PTPRG: variants seen among roughly 807,000 people sequenced by gnomAD.
PTPRG encodes protein tyrosine phosphatase receptor type G.
A neutral mutation model predicts 165.3 loss-of-function variants in PTPRG; 102 were observed. That is an observed-to-expected ratio of 0.62 (90% CI 0.53 to 0.73). PTPRG has a LOEUF of 0.73. PTPRG is among the 30% of genes least tolerant of loss of function. PTPRG has a pLI of 0.00. For missense variants in PTPRG, 1,866 were observed against 1,861.4 expected (o/e 1.00, Z -0.05); for synonymous variants, 675 against 669.5 (o/e 1.01, Z -0.13).
At chr3:61,815,939 C>G (rs1029643680) in intron 2 of PTPRG, among the ~76,000 whole-genome samples, 2 of 152,146 alleles carry the variant, frequency 1.3e-5, no homozygotes, top group Non-Finnish European at 2.9e-5. Flanking sequence ...ATTTTATTTC[C>G]TAAAGTCACT....
In PTPRG at chr3:61,671,142, T is replaced by C. The variant is rs59508084; in HGVS notation, c.86-77736T>C. On this transcript the variant is annotated intron_variant, in intron 1 of 29. Coordinates refer to ENST00000474889, the MANE Select transcript of PTPRG (RefSeq NM_002841.4). ...TCCTGATACTGTATGAACTTTCTTT[T>C]TTTTTTTTTTTTTTTAATTGATCAT... Among the ~76,000 whole-genome samples, 520 of 139,478 alleles carry C rather than the reference T, an allele frequency of 3.7e-3. 18 individuals are homozygous for C. The East Asian group carries it at 0.077, about 21-fold the overall frequency. 91.5% of individuals were successfully genotyped at this position (139,478 alleles called of 152,430 possible).
At chr3:61,836,665 C>G (rs1268175576) in intron 2 of PTPRG, among the ~76,000 whole-genome samples, 3 of 152,204 alleles carry the variant, frequency 2.0e-5, no homozygotes, top group Non-Finnish European at 4.4e-5. Context: ...GTTTTAATAA[C>G]TTGCTGAAGA....
At chr3:62,241,433 G>A (rs1576170582) in intron 14 of PTPRG, among the ~76,000 whole-genome samples, 1 of 152,146 alleles carries the variant, frequency 6.6e-6, no homozygotes, top group South Asian at 2.1e-4. Context: ...TGTCCCCCAG[G>A]TTTCTGATCC....
At chr3:61,933,486 C>G (rs921154291) in intron 2 of PTPRG, among the ~76,000 whole-genome samples, 2 of 152,138 alleles carry the variant, frequency 1.3e-5, no homozygotes, top group African/African-American at 4.8e-5. Flanking sequence ...AGATTCCCCA[C>G]CAAGCATACG....
intron 2 of PTPRG, among the ~76,000 whole-genome samples, chr3:61,751,534 G>T (rs886966846): frequency 6.6e-6 from 1 of 152,166 alleles, no homozygotes; most frequent in African/African-American, 2.4e-5. Flanking sequence ...GGTGCAGTGT[G>T]TGAGAGTATG....
chr3:61,681,941 A>G (rs999531972), intron 1 of PTPRG, among the ~76,000 whole-genome samples: 1 of 152,094 alleles, frequency 6.6e-6, no homozygotes, highest in East Asian at 1.9e-4. Flanking sequence ...CTTAAGGTCA[A>G]GAGATCGAGA....
intron 2 of PTPRG, among the ~76,000 whole-genome samples, chr3:61,921,493 A>G (rs2039077423): frequency 6.6e-6 from 1 of 152,206 alleles, no homozygotes; most frequent in Admixed American, 6.5e-5. Flanking sequence ...TTTGGCTGCC[A>G]GCATGGTATC....
chr3:62,016,357 G>T (rs1024756666), intron 4 of PTPRG, among the ~76,000 whole-genome samples: 3 of 152,076 alleles, frequency 2.0e-5, no homozygotes, highest in East Asian at 3.9e-4. Context: ...TAGTAGAGAC[G>T]GAGTTTCACT....
intron 1 of PTPRG, among the ~76,000 whole-genome samples, chr3:61,741,663 T>C (rs1428074553): frequency 1.3e-5 from 2 of 152,236 alleles, no homozygotes; most frequent in Non-Finnish European, 2.9e-5. Flanking sequence ...CTTTGTCATA[T>C]AATCACTTTT....
intron 1 of PTPRG, among the ~76,000 whole-genome samples, chr3:61,717,366 CA>C (rs961746271): frequency 5.4e-4 from 82 of 152,160 alleles, no homozygotes; most frequent in African/African-American, 1.9e-3. Flanking sequence ...TTTTTATAGC[CA>C]AAGGCAATAG....
At chr3:62,023,002 T>G (rs887083512) in intron 4 of PTPRG, among the ~76,000 whole-genome samples, 3 of 152,084 alleles carry the variant, frequency 2.0e-5, no homozygotes, top group African/African-American at 7.2e-5. Context: ...ATTAATACAT[T>G]CAAAACAAAA....
At chr3:62,028,683 G>A (rs1330369979) in intron 4 of PTPRG, among the ~76,000 whole-genome samples, 2 of 152,180 alleles carry the variant, frequency 1.3e-5, no homozygotes, top group Admixed American at 1.3e-4. Context: ...ACTCAAGTCA[G>A]CCTAAACATA....
At chr3:61,699,044 T>C (rs1032070257) in intron 1 of PTPRG, among the ~76,000 whole-genome samples, 1 of 151,850 alleles carries the variant, frequency 6.6e-6, no homozygotes, top group Non-Finnish European at 1.5e-5. Context: ...CGGGGAGGGA[T>C]AGCATTAGGA....
intron 5 of PTPRG, among the ~76,000 whole-genome samples, chr3:62,124,952 G>A (rs4274735): frequency 0.11 from 17,116 of 152,086 alleles, 1,016 homozygotes; most frequent in South Asian, 0.14. Flanking sequence ...TTACATAAGG[G>A]TCTGAATACC....
rs1454140021 is a variant in PTPRG, at chr3:62,002,185, G to A, written c.371-1164G>A. On this transcript the variant is annotated intron_variant, in intron 3 of 29. Transcript: ENST00000474889. Reference sequence around the variant, plus strand: ...TGCTTCCTTTATATAGAGAAGTACTGAAACTAATTGCAGTATTCTAGAAAT... The same window carrying A: ...TGCTTCCTTTATATAGAGAAGTACTAAAACTAATTGCAGTATTCTAGAAAT... Among the ~76,000 whole-genome samples, 6 of 152,288 alleles carry A rather than the reference G, an allele frequency of 3.9e-5. No individual in the cohort carries two copies. The East Asian group carries it at 1.2e-3, about 29-fold the overall frequency.
chr3:62,100,969 G>A (rs1173614248), intron 5 of PTPRG, among the ~76,000 whole-genome samples: 1 of 152,070 alleles, frequency 6.6e-6, no homozygotes, highest in African/African-American at 2.4e-5. Flanking sequence ...AGTATAATTT[G>A]CAATGATAAA....
At chr3:62,034,424 G>T (rs902333772) in intron 4 of PTPRG, among the ~76,000 whole-genome samples, 2 of 152,224 alleles carry the variant, frequency 1.3e-5, no homozygotes, top group East Asian at 1.9e-4. Flanking sequence ...CACTCAGCTA[G>T]TAAGTCCAGT....
rs1311677771 is a variant in PTPRG at position 61,887,119 on chromosome 3, CATGCATATATATATATATATATATATAT to C, written c.191-102503_191-102476del. Among the ~76,000 whole-genome samples the C allele has an allele frequency of 2.9e-3, 299 of 103,418 alleles. 12 individuals are homozygous for C. Among genetic ancestry groups the C allele is most frequent in the African/African-American group, 5.5e-3 (136 of 24,622 alleles). 67.8% of individuals were successfully genotyped at this position (103,418 alleles called of 152,430 possible). On this transcript the variant is annotated intron_variant, in intron 2 of 29. Transcript: ENST00000474889. Reference sequence around the variant, plus strand: ...AACTATTTTTAAAGTATAACCATAGCATGCATATATATATATATATATATATATATATATATATATATATATATATATT... The same window carrying C: ...AACTATTTTTAAAGTATAACCATAGCATATATATATATATATATATATATT...
chr3:61,909,259 G>A (rs1028899184), intron 2 of PTPRG, among the ~76,000 whole-genome samples: 2 of 152,160 alleles, frequency 1.3e-5, no homozygotes, highest in Non-Finnish European at 2.9e-5. Context: ...GCGTTTCTTC[G>A]ATGATAAAGG....
Sources: gnomAD v4.1 joint callset for allele counts (sites outside exome capture counted in the v4.1 genomes callset) on GRCh38, gnomAD v4.1.1 for gene constraint, MANE v1.5 for transcripts, NCBI Gene and HGNC (gene_info 2026-07-23, HGNC 2026-07-21) for gene names.